Variants in ARHGAP21 observed in about 807,000 individuals in gnomAD.
ARHGAP21 encodes the protein Rho GTPase activating protein 21.
ARHGAP21 carries 38 observed loss-of-function variants against 164.6 expected under a neutral mutation model. That is an observed-to-expected ratio of 0.23 (90% CI 0.18 to 0.30). ARHGAP21 has a LOEUF of 0.30. Ranked by LOEUF, ARHGAP21 falls within the 10% of genes least tolerant of loss-of-function variation. ARHGAP21 has a pLI of 1.00. For missense variants in ARHGAP21, 1,822 were observed against 2,370.7 expected (o/e 0.77, Z 4.81); for synonymous variants, 766 against 857.9 (o/e 0.89, Z 1.87).
chr10:24,619,709 A>G lies in ARHGAP21; in HGVS notation c.2186T>C (p.Leu729Ser), dbSNP rs200602648. The change falls in exon 9 of 26, where the codon TTA becomes TCA. Residue 729 changes from leucine to serine, a missense_variant. By Grantham distance (145) the Leu-to-Ser change is moderately radical. Transcript: ENST00000396432. Reference protein sequence around the residue: ...QEAETEQSDTLDNKEAVILRE... With the variant: ...QEAETEQSDTSDNKEAVILRE... ...TAGGATGACAGCTTCTTTATTATCT[A>G]AAGTATCTGATTGCTCAGTTTCAGC... 108 of 1,614,148 alleles carry G rather than the reference A, an allele frequency of 6.7e-5. 1 individual carries two copies. In the East Asian group the frequency reaches 1.8e-3, roughly 27 times the overall value.
At chr10:24,612,626 G>A (rs1025229923) in intron 9 of ARHGAP21, among the ~76,000 whole-genome samples, 3 of 151,856 alleles carry the variant, frequency 2.0e-5, no homozygotes, top group Admixed American at 6.6e-5. Flanking sequence ...AGGCCAAGGC[G>A]GGCGGATCAC....
chr10:24,651,910 A>G (rs1417362858), intron 4 of ARHGAP21, among the ~76,000 whole-genome samples: 3 of 152,218 alleles, frequency 2.0e-5, no homozygotes, highest in Non-Finnish European at 4.4e-5. Context: ...GATTCTAAGA[A>G]GACATTCTAC....
rs191760068 is a variant in ARHGAP21, at chr10:24,654,790, A to G, written c.268+12195T>C. 3.2e-4 allele frequency among the ~76,000 whole-genome samples: 49 copies of G among 152,348 alleles called. No individual in the cohort carries two copies. The East Asian group carries it at 9.4e-3, about 29-fold the overall frequency. On this transcript the variant is annotated intron_variant, in intron 4 of 25. Coordinates refer to ENST00000396432, the MANE Select transcript of ARHGAP21 (RefSeq NM_020824.4). Reference sequence around the variant, plus strand: ...ACTACTTTAAAATTCATATGGAACCAAAAAAGAGCCTGCATTGCCAAGACA... The same window carrying G: ...ACTACTTTAAAATTCATATGGAACCGAAAAAGAGCCTGCATTGCCAAGACA...
At chr10:24,696,431 G>C (rs894290299) in intron 2 of ARHGAP21, among the ~76,000 whole-genome samples, 2 of 152,206 alleles carry the variant, frequency 1.3e-5, no homozygotes, top group African/African-American at 4.8e-5. Context: ...ACGAAGAAGA[G>C]AGCCCGTTTT....
intron 11 of ARHGAP21, among the ~76,000 whole-genome samples, chr10:24,605,993 G>A (rs146342122): frequency 8.0e-4 from 121 of 152,078 alleles, no homozygotes; most frequent in African/African-American, 2.8e-3. Context: ...ATGTATCATC[G>A]GTGGGAAAAG....
intron 2 of ARHGAP21, among the ~76,000 whole-genome samples, chr10:24,697,177 T>C (rs1172478669): frequency 6.6e-6 from 1 of 151,864 alleles, no homozygotes; most frequent in Non-Finnish European, 1.5e-5. Flanking sequence ...ATGACCCAGA[T>C]GGGGCAAAAC....
rs56053080 is a variant in ARHGAP21 at position 24,660,386 on chromosome 10, TAAAA to T, written c.268+6595_268+6598del. 3.6e-3 allele frequency among the ~76,000 whole-genome samples: 218 copies of T among 60,090 alleles called. 3 individuals carry two copies. The highest frequency in any genetic ancestry group is 0.013 in the African/African-American group (208 of 16,142). 39.4% of individuals were successfully genotyped at this position (60,090 alleles called of 152,430 possible). A position where few individuals can be genotyped will look rare whatever the true frequency, so the allele number is the denominator to read the frequency against. On this transcript the variant is annotated intron_variant, in intron 4 of 25. Coordinates refer to ENST00000396432, the MANE Select transcript of ARHGAP21 (RefSeq NM_020824.4). ...GCACAGAGCAACACCCTCTCTCTCTTAAAAAAAAAAAAAAAAAAAAAAAAGATGC... is the reference window on the plus strand; with the variant it reads ...GCACAGAGCAACACCCTCTCTCTCTTAAAAAAAAAAAAAAAAAAAAGATGC...
At chr10:24,668,938 T>A (rs1205943645) in intron 3 of ARHGAP21, among the ~76,000 whole-genome samples, 1 of 152,040 alleles carries the variant, frequency 6.6e-6, no homozygotes, top group East Asian at 1.9e-4. Context: ...AGACAAAAAA[T>A]ACACAATCCT....
intron 2 of ARHGAP21, among the ~76,000 whole-genome samples, chr10:24,673,810 C>T (rs1233279295): frequency 1.3e-5 from 2 of 151,882 alleles, no homozygotes; most frequent in Admixed American, 6.6e-5. Flanking sequence ...TGCAGTGAGC[C>T]GAGATTACAC....
intron 4 of ARHGAP21, among the ~76,000 whole-genome samples, chr10:24,653,777 A>C (rs529864696): frequency 1.3e-5 from 2 of 152,158 alleles, no homozygotes; most frequent in African/African-American, 4.8e-5. Context: ...ATCAGATAGT[A>C]CTCTTTTGTG....
At chr10:24,626,970 A>G (rs1227610817) in intron 7 of ARHGAP21, among the ~76,000 whole-genome samples, 1 of 152,238 alleles carries the variant, frequency 6.6e-6, no homozygotes, top group African/African-American at 2.4e-5. Context: ...TCTTAATTTT[A>G]CTTCATGGTT....
rs776750484 is a variant in ARHGAP21 at position 24,670,201 on chromosome 10, G to GT, written c.243+16dup. 2.0e-6 allele frequency: 3 copies of GT among 1,525,774 alleles called. No homozygotes were observed. Among genetic ancestry groups the GT allele is most frequent in the African/African-American group, 1.4e-5 (1 of 72,068 alleles). The allele number at this position is 1,525,774 out of a possible 1,614,324, so 94.5% of individuals were successfully genotyped here. On this transcript the variant is annotated intron_variant, in intron 3 of 25. Transcript: ENST00000396432. The stretch of plus-strand genomic sequence containing the variant: ...CTTGTGGTTTTTTTTTCAAGTTGCG[G>GT]TAACTATTTCTCTTACCTTATATGA...
intron 2 of ARHGAP21, among the ~76,000 whole-genome samples, chr10:24,671,314 A>C (rs1331838376): frequency 1.3e-5 from 2 of 152,250 alleles, no homozygotes; most frequent in East Asian, 1.9e-4. Context: ...TACCAACCTC[A>C]AGAGAGCCTT....
intron 23 of ARHGAP21, 81 bp from the exon 24 acceptor site, chr10:24,591,411 CACATT>C: frequency 7.8e-7 from 1 of 1,286,774 alleles, no homozygotes; most frequent in Non-Finnish European, 1.1e-6. Context: ...TAGTAAAAGA[CACATT>C]ACTAAGTAAA....
chr10:24,608,206 C>T (rs1187107594), intron 9 of ARHGAP21, among the ~76,000 whole-genome samples: 1 of 152,184 alleles, frequency 6.6e-6, no homozygotes, highest in African/African-American at 2.4e-5. Flanking sequence ...CTAAACCCAT[C>T]AAACCAGAGC....
chr10:24,593,646 A>C (rs1330147326), intron 21 of ARHGAP21, among the ~76,000 whole-genome samples: 1 of 139,062 alleles, frequency 7.2e-6, no homozygotes, highest in Non-Finnish European at 1.6e-5. Flanking sequence ...GTAATTAAAG[A>C]CACAAAAAAT....
intron 4 of ARHGAP21, among the ~76,000 whole-genome samples, chr10:24,648,502 G>C (rs1367729399): frequency 6.6e-6 from 1 of 152,024 alleles, no homozygotes; most frequent in Non-Finnish European, 1.5e-5. Flanking sequence ...TAGGTCAGCC[G>C]GGTGCAGAGG....
At chr10:24,632,699 T>C (rs547437774) in intron 6 of ARHGAP21, among the ~76,000 whole-genome samples, 11 of 152,316 alleles carry the variant, frequency 7.2e-5, no homozygotes, top group Middle Eastern at 3.4e-3. Flanking sequence ...AGTTCCTGTA[T>C]TTGAATCTGA....
Position 24,619,712 on chromosome 10 carries a change from G to A in ARHGAP21, c.2183C>T (p.Thr728Ile). ...LQEAETEQSD[T>I]LDNKEAVILR... ...GATGACAGCTTCTTTATTATCTAAA[G>A]TATCTGATTGCTCAGTTTCAGCCTC... Residue 728 changes from threonine to isoleucine, a missense_variant, in exon 9 of 26, where the codon ACT becomes ATT. Thr to Ile is a moderately conservative substitution (Grantham distance 89). Around this residue, in one of 5 missense-constraint regions of ARHGAP21, gnomAD observed 1,090 missense variants for 1,378.9 expected, o/e 0.79. Coordinates refer to ENST00000396432, the MANE Select transcript of ARHGAP21 (RefSeq NM_020824.4). 2 of 1,614,184 alleles carry A rather than the reference G, an allele frequency of 1.2e-6. No homozygotes were observed. Among genetic ancestry groups the A allele is most frequent in the Non-Finnish European group, 1.7e-6 (2 of 1,180,032 alleles).
Sources: allele counts gnomAD v4.1 joint callset (sites outside exome capture counted in the v4.1 genomes callset), GRCh38; gene constraint gnomAD v4.1.1; regional missense constraint gnomAD v4.1.1; transcripts MANE v1.5; gene names NCBI Gene and HGNC (gene_info 2026-07-23, HGNC 2026-07-21).